Variants in ACVR1 observed in about 807,000 individuals in gnomAD.
The protein encoded by ACVR1 is activin receptor type-1.
A neutral mutation model predicts 57.1 loss-of-function variants in ACVR1; 38 were observed. The ratio of observed to expected loss-of-function variants is 0.67; its 90% CI spans 0.51 to 0.87. ACVR1 has a LOEUF of 0.87. ACVR1 is among the 40% of genes least tolerant of loss of function. The pLI is 0.00. For missense variants in ACVR1, 463 were observed against 638.2 expected, an observed-to-expected ratio of 0.73 and a Z score of 2.96; for synonymous variants, 212 against 228.1, an observed-to-expected ratio of 0.93 and a Z score of 0.63.
chr2:157,853,241 A>C (rs1173337947), intron 1 of ACVR1, among the ~76,000 whole-genome samples: 1 of 152,154 alleles, frequency 6.6e-6, no homozygotes, highest in Non-Finnish European at 1.5e-5. Context: ...TTAAACAGAA[A>C]TTTACTTTCC....
rs773479227 is a variant in ACVR1, at chr2:157,736,641, C to T, written c.*890G>A. 7 of 314,458 alleles carry T rather than the reference C, an allele frequency of 2.2e-5. No individual in the cohort carries two copies. Among genetic ancestry groups the T allele is most frequent in the Non-Finnish European group, 2.9e-5 (5 of 170,672 alleles). 19.5% of individuals were successfully genotyped at this position (314,458 alleles called of 1,614,324 possible). ...TTTGCTTCTAAATCAGTAATATATT[C>T]GGTGGTGTCACGTGGGTAATGGCTA... On this transcript the variant is annotated 3_prime_UTR_variant, in exon 11 of 11. Transcript: ENST00000434821.
chr2:157,828,330 A>G (rs909390321), intron 1 of ACVR1, among the ~76,000 whole-genome samples: 13 of 151,472 alleles, frequency 8.6e-5, no homozygotes. Context: ...GATGCCTGTA[A>G]TCCCAGCTAC....
At chr2:157,801,689 T>C (rs190807175) in intron 2 of ACVR1, among the ~76,000 whole-genome samples, 2 of 152,322 alleles carry the variant, frequency 1.3e-5, no homozygotes, top group African/African-American at 4.8e-5. Flanking sequence ...AAATATTTTA[T>C]CCTTATTTAA....
chr2:157,852,308 G>T (rs1689342782), intron 1 of ACVR1, among the ~76,000 whole-genome samples: 1 of 151,910 alleles, frequency 6.6e-6, no homozygotes, highest in Admixed American at 6.6e-5. Flanking sequence ...GACCAGCCTG[G>T]GCAACATGGC....
chr2:157,831,214 T>C (rs940283216), intron 1 of ACVR1, among the ~76,000 whole-genome samples: 1 of 152,234 alleles, frequency 6.6e-6, no homozygotes, highest in African/African-American at 2.4e-5. Flanking sequence ...GTTATTCAAT[T>C]TACTTTAATA....
At chr2:157,757,021 G>GATATAT (rs765313619) in intron 9 of ACVR1, among the ~76,000 whole-genome samples, 14 of 106,432 alleles carry the variant, frequency 1.3e-4, no homozygotes, top group African/African-American at 3.0e-4. Flanking sequence ...ATATATATTT[G>GATATAT]ATATATATAT....
intron 1 of ACVR1, among the ~76,000 whole-genome samples, chr2:157,841,795 A>G (rs4524083): frequency 0.98 from 149,443 of 152,202 alleles, 73,414 homozygotes; most frequent in Middle Eastern, 1. Flanking sequence ...AGGCCAAGGC[A>G]GGCAGATCAT....
At chr2:157,800,073 T>C (rs1482400586) in intron 2 of ACVR1, among the ~76,000 whole-genome samples, 1 of 152,178 alleles carries the variant, frequency 6.6e-6, no homozygotes, top group Non-Finnish European at 1.5e-5. Context: ...AAGCAATGCA[T>C]TTCTGCATTA....
chr2:157,845,676 C>T (rs769869452), intron 1 of ACVR1, among the ~76,000 whole-genome samples: 1 of 151,468 alleles, frequency 6.6e-6, no homozygotes, highest in South Asian at 2.1e-4. Context: ...GCCCCACAGG[C>T]AGGAGGAAAA....
At chr2:157,850,892 G>C (rs1689275212) in intron 1 of ACVR1, among the ~76,000 whole-genome samples, 1 of 152,176 alleles carries the variant, frequency 6.6e-6, no homozygotes, top group Admixed American at 6.5e-5. Context: ...GGGAGGCGGA[G>C]GTTGTAATGA....
chr2:157,867,465 C>T (rs1306194359), intron 1 of ACVR1, among the ~76,000 whole-genome samples: 2 of 152,168 alleles, frequency 1.3e-5, no homozygotes, highest in South Asian at 4.2e-4. Flanking sequence ...TAACACCGAG[C>T]CTCAGTGTCT....
chr2:157,780,571 A>G lies in ACVR1; in HGVS notation c.97T>C (p.Tyr33His). Residue 33 changes from tyrosine (Y) to histidine (H), a missense_variant, in exon 4 of 11, where the codon TAC (tyrosine) becomes CAC (histidine). Physicochemically the swap from Tyr to His is moderately conservative, Grantham distance 83 (BLOSUM62 2). Transcript: ENST00000434821. ...DEKPKVNPKL[Y>H]MCVCEGLSCG... ...GAGAGACCTTCACACACACACATGT[A>G]GAGTTTGGGGTTGACCTTGGGCTTC... is the stretch of plus-strand genomic sequence containing the variant. 6.2e-7 allele frequency: 1 copy of G among 1,613,922 alleles called. No homozygotes were observed. Among genetic ancestry groups the G allele is most frequent in the Non-Finnish European group, 8.5e-7 (1 of 1,179,950 alleles).
intron 2 of ACVR1, among the ~76,000 whole-genome samples, chr2:157,800,607 C>A (rs2105307515): frequency 6.6e-6 from 1 of 152,116 alleles, no homozygotes; most frequent in South Asian, 2.1e-4. Context: ...TCAGTCAATC[C>A]CTTTCCTAAA....
chr2:157,849,433 C>T (rs2354933), intron 1 of ACVR1, among the ~76,000 whole-genome samples: 148,144 of 152,356 alleles, frequency 0.97, 72,168 homozygotes, highest in Middle Eastern at 1. Context: ...ACTTTTTAAA[C>T]TGTTTAATAA....
rs1486833245 is a variant in ACVR1 at position 157,851,102 on chromosome 2, T to TA, written c.-183+24693dup. 8.5e-5 allele frequency among the ~76,000 whole-genome samples: 13 copies of TA among 152,226 alleles called. No homozygotes were observed. In the East Asian group the frequency reaches 2.1e-3, roughly 25 times the overall value. Reference sequence around the variant, plus strand: ...TATTTCAAAAAACCCATATCTTCCCTAAAATGATAGAAATGGAATCCAATG... The same window carrying TA: ...TATTTCAAAAAACCCATATCTTCCCTAAAAATGATAGAAATGGAATCCAATG... On this transcript the variant is annotated intron_variant, in intron 1 of 10. Transcript: ENST00000434821.
chr2:157,816,937 A>G (rs1350208999), intron 2 of ACVR1, among the ~76,000 whole-genome samples: 1 of 152,062 alleles, frequency 6.6e-6, no homozygotes, highest in Non-Finnish European at 1.5e-5. Context: ...ATACTCTTAA[A>G]AGCATTTCAT....
At chr2:157,780,713 G>T in intron 3 of ACVR1, 113 bp from the exon 4 acceptor site, 2 of 1,312,692 alleles carry the variant, frequency 1.5e-6, no homozygotes, top group Non-Finnish European at 2.1e-6. Flanking sequence ...AGAAAGTCAA[G>T]CTAAGCATCA....
chr2:157,750,541 T>C (rs1685142908), intron 9 of ACVR1, among the ~76,000 whole-genome samples: 1 of 152,098 alleles, frequency 6.6e-6, no homozygotes, highest in African/African-American at 2.4e-5. Flanking sequence ...ACTACACTAG[T>C]GAACACACCC....
chr2:157,745,591 G>A (rs748932924), intron 9 of ACVR1, among the ~76,000 whole-genome samples: 54 of 152,116 alleles, frequency 3.5e-4, no homozygotes, highest in Non-Finnish European at 7.2e-4. Flanking sequence ...GAAATTCCAG[G>A]AAGTCAGGGG....
Sources: gnomAD v4.1 joint callset for allele counts (sites outside exome capture counted in the v4.1 genomes callset) on GRCh38, gnomAD v4.1.1 for gene constraint, MANE v1.5 for transcripts, NCBI Gene and HGNC (gene_info 2026-07-23, HGNC 2026-07-21) for gene names.